Variants in SORCS1 observed in about 807,000 individuals in gnomAD.
The protein encoded by SORCS1 is VPS10 domain-containing receptor SorCS1.
SORCS1 carries 60 observed loss-of-function variants against 146.1 expected under a neutral mutation model. The ratio of observed to expected loss-of-function variants is 0.41; its 90% CI spans 0.33 to 0.51. SORCS1 has a LOEUF of 0.51. SORCS1 is among the 20% of genes least tolerant of loss of function. The pLI is 0.21. For missense variants in SORCS1, 1,352 were observed against 1,487.6 expected, an observed-to-expected ratio of 0.91 and a Z score of 1.50; for synonymous variants, 637 against 584.0, an observed-to-expected ratio of 1.09 and a Z score of -1.31.
At chr10:106,985,147 A>G (rs1956411398) in intron 1 of SORCS1, among the ~76,000 whole-genome samples, 1 of 152,182 alleles carries the variant, frequency 6.6e-6, no homozygotes, top group African/African-American at 2.4e-5. Flanking sequence ...AGATCACATC[A>G]CTGCACTCCA....
chr10:106,933,270 C>A (rs1420358542), intron 2 of SORCS1, among the ~76,000 whole-genome samples: 3 of 152,118 alleles, frequency 2.0e-5, no homozygotes, highest in Admixed American at 6.6e-5. Context: ...ATTAAAATCA[C>A]CTGGGTAGCT....
At chr10:106,603,693 G>A (rs899440951) in intron 23 of SORCS1, among the ~76,000 whole-genome samples, 13 of 152,138 alleles carry the variant, frequency 8.5e-5, no homozygotes, top group Non-Finnish European at 1.5e-4. Context: ...TCAAGTTTCC[G>A]CTGAGATTTA....
chr10:106,825,646 G>A (rs547705069), intron 3 of SORCS1, among the ~76,000 whole-genome samples: 18 of 151,518 alleles, frequency 1.2e-4, no homozygotes, highest in Middle Eastern at 6.8e-3. Flanking sequence ...GTTCCTTTCC[G>A]GTACAGGTTA....
At chr10:106,963,128 T>TTTTTTTTTTTTTTTTTG (rs1955329352) in intron 1 of SORCS1, among the ~76,000 whole-genome samples, 1 of 127,418 alleles carries the variant, frequency 7.8e-6, no homozygotes, top group Admixed American at 8.1e-5. Context: ...TTTTTTTTTT[T>TTTTTTTTTTTTTTTTTG]TTTTTTTGAG....
chr10:107,173,968 T>C, the SORCS1 span, among the ~76,000 whole-genome samples: 1 of 152,192 alleles, frequency 6.6e-6, no homozygotes, highest in Non-Finnish European at 1.5e-5. Flanking sequence ...TAAAACCTGA[T>C]ATGAAGTCCC....
chr10:106,944,067 C>T (rs1226158562), intron 2 of SORCS1, among the ~76,000 whole-genome samples: 2 of 152,188 alleles, frequency 1.3e-5, no homozygotes, highest in Non-Finnish European at 2.9e-5. Context: ...TTTTTCCACT[C>T]TCTAAAAAGG....
the SORCS1 span, among the ~76,000 whole-genome samples, chr10:107,174,407 A>G: frequency 1.1e-4 from 17 of 152,026 alleles, no homozygotes; most frequent in Middle Eastern, 3.4e-3. Flanking sequence ...ATGGGGTTTC[A>G]CCGTGTTAGC....
chr10:106,981,637 G>T (rs987743961), intron 1 of SORCS1, among the ~76,000 whole-genome samples: 5 of 152,100 alleles, frequency 3.3e-5, no homozygotes, highest in Non-Finnish European at 5.9e-5. Context: ...GGACTCAAAA[G>T]AATAACTGCA....
At chr10:107,082,862 T>G (rs1470119476) in intron 1 of SORCS1, among the ~76,000 whole-genome samples, 1 of 151,954 alleles carries the variant, frequency 6.6e-6, no homozygotes, top group Non-Finnish European at 1.5e-5. Flanking sequence ...AAGAAATCTG[T>G]GAAAGTCAGC....
chr10:106,697,788 A>AGAATACATACAAGTGG (rs1370355304), intron 9 of SORCS1, among the ~76,000 whole-genome samples: 1 of 152,222 alleles, frequency 6.6e-6, no homozygotes, highest in East Asian at 1.9e-4. Context: ...ATTTGTCTCA[A>AGAATACATACAAGTGG]GAATACATAC....
At chr10:107,174,884 C>G in the SORCS1 span, among the ~76,000 whole-genome samples, 5 of 152,154 alleles carry the variant, frequency 3.3e-5, no homozygotes, top group Admixed American at 6.5e-5. Flanking sequence ...TTTATTATTT[C>G]ACTGTGAAGT....
intron 2 of SORCS1, among the ~76,000 whole-genome samples, chr10:106,939,261 C>T (rs544115889): frequency 1.3e-5 from 2 of 152,094 alleles, no homozygotes; most frequent in South Asian, 2.1e-4. Context: ...TCCAAGTCTT[C>T]GATTATTTCA....
intron 8 of SORCS1, among the ~76,000 whole-genome samples, chr10:106,704,001 C>G (rs367889889): frequency 1.3e-5 from 2 of 152,170 alleles, no homozygotes; most frequent in Admixed American, 1.3e-4. Flanking sequence ...AGGAAGAAGA[C>G]AGATGCAAAT....
intron 18 of SORCS1, among the ~76,000 whole-genome samples, chr10:106,638,638 TG>T (rs1415157961): frequency 5.3e-5 from 8 of 152,200 alleles, no homozygotes; most frequent in Admixed American, 2.6e-4. Flanking sequence ...TAGTATCACT[TG>T]GTGGTCTTCA....
intron 19 of SORCS1, among the ~76,000 whole-genome samples, chr10:106,628,327 T>C (rs955891928): frequency 6.6e-6 from 1 of 152,184 alleles, no homozygotes; most frequent in Non-Finnish European, 1.5e-5. Context: ...TTTTGTTCCA[T>C]GGGCAAGGTG....
chr10:106,677,648 T>G (rs1852136174), intron 12 of SORCS1, among the ~76,000 whole-genome samples: 1 of 152,234 alleles, frequency 6.6e-6, no homozygotes, highest in South Asian at 2.1e-4. Flanking sequence ...TATGGGTTCA[T>G]GCTTAGATTC....
intron 1 of SORCS1, among the ~76,000 whole-genome samples, chr10:107,044,240 A>G (rs886535382): frequency 1.3e-5 from 2 of 152,106 alleles, no homozygotes; most frequent in African/African-American, 4.8e-5. Flanking sequence ...ATGCCTAGTC[A>G]TCACCTCATT....
chr10:106,636,177 T>C (rs1848711447), intron 18 of SORCS1, among the ~76,000 whole-genome samples: 1 of 151,968 alleles, frequency 6.6e-6, no homozygotes, highest in Non-Finnish European at 1.5e-5. Context: ...AGAGGACCAC[T>C]TGAGCCCGGG....
At chr10:106,830,235 C>T (rs1292201932) in intron 2 of SORCS1, among the ~76,000 whole-genome samples, 1 of 152,180 alleles carries the variant, frequency 6.6e-6, no homozygotes. Context: ...AATCCTGAGT[C>T]AGGAGGACAT....
Sources: allele counts gnomAD v4.1 joint callset (sites outside exome capture counted in the v4.1 genomes callset), GRCh38; gene constraint gnomAD v4.1.1; transcripts MANE v1.5; gene names NCBI Gene and HGNC (gene_info 2026-07-23, HGNC 2026-07-21).